The following SETD5 variants were observed in gnomAD, a reference collection of about 807,000 sequenced individuals.
SETD5 encodes SET domain containing 5.
Under a neutral mutation model 153.3 loss-of-function variants are expected in SETD5, and 44 were observed. The ratio of observed to expected loss-of-function variants is 0.29; its 90% CI spans 0.23 to 0.37. SETD5 has a LOEUF of 0.37. SETD5 is among the 10% of genes least tolerant of loss of function. The pLI is 1.00. For missense variants in SETD5, 1,544 were observed against 1,768.0 expected (o/e 0.87, Z 2.27); for synonymous variants, 716 against 645.2 (o/e 1.11, Z -1.66).
chr3:9,428,894 A>G lies in SETD5; in HGVS notation c.-45A>G, dbSNP rs1368790025. 1.3e-6 allele frequency: 2 copies of G among 1,511,632 alleles called. No homozygotes were observed. Among genetic ancestry groups the G allele is most frequent in the Non-Finnish European group, 1.8e-6 (2 of 1,093,476 alleles). 93.6% of individuals were successfully genotyped at this position (1,511,632 alleles called of 1,614,324 possible). On this transcript the variant is annotated 5_prime_UTR_variant, in exon 3 of 23. Transcript: ENST00000402198. ...CCCACTCTCAGAGTGGTCAGTCTCC[A>G]TTAATTGGACCCCGTGATTTCCAAT...
Position 9,473,535 on chromosome 3 carries a change from G to A in SETD5, c.3495G>A (p.Arg1165=), listed in dbSNP as rs761154954. ...GACCTCAAGAGAATATCAGCAGTAGGTGGTAAGTTTATATTTGATGTTTTA... is the reference window on the plus strand; with the variant it reads ...GACCTCAAGAGAATATCAGCAGTAGATGGTAAGTTTATATTTGATGTTTTA... ...HCRPQENISS[R]WMVPTSVERL... The change falls in exon 20 of 23, where the codon AGG becomes AGA. Residue 1165 remains arginine, a splice_region_variant and synonymous_variant. Coordinates refer to ENST00000402198, the MANE Select transcript of SETD5 (RefSeq NM_001080517.3). The A allele has an allele frequency of 2.5e-6, 4 of 1,609,204 alleles. No homozygotes were observed. Among genetic ancestry groups the A allele is most frequent in the Non-Finnish European group, 3.4e-6 (4 of 1,177,356 alleles).
rs2045904017 is a variant in SETD5 at position 9,477,287 on chromosome 3, GC to G, written c.*1199del. On this transcript the variant is annotated 3_prime_UTR_variant, in exon 23 of 23. Transcript: ENST00000402198. ...GTGCCTGTTGTACACCCCTGGAGGA[GC>G]CCTGGAGCCAGCCCAGGTGGGGTAC... 6.5e-6 allele frequency: 1 copy of G among 152,686 alleles called. No individual in the cohort carries two copies. The highest frequency in any genetic ancestry group is 1.5e-5 in the Non-Finnish European group (1 of 68,072). 9.5% of individuals were successfully genotyped at this position (152,686 alleles called of 1,614,324 possible). A position where few individuals can be genotyped will look rare whatever the true frequency, so the allele number is the denominator to read the frequency against.
chr3:9,408,238 C>A (rs533389005), intron 1 of SETD5, among the ~76,000 whole-genome samples: 1 of 152,164 alleles, frequency 6.6e-6, no homozygotes, highest in East Asian at 1.9e-4. Context: ...CTGGAGTCTC[C>A]TGTGCTGCGA....
At chr3:9,448,108 T>C in intron 15 of SETD5, 102 bp downstream of exon 15, 3 of 1,285,818 alleles carry the variant, frequency 2.3e-6, no homozygotes, top group Non-Finnish European at 2.1e-6. Flanking sequence ...TCAATATTAC[T>C]AGATTGAAAG....
At chr3:9,412,387 GTTTTTTTT>G (rs370566998) in intron 1 of SETD5, among the ~76,000 whole-genome samples, 23 of 89,542 alleles carry the variant, frequency 2.6e-4, no homozygotes, top group African/African-American at 8.2e-4. Context: ...ACAGTTTTGG[GTTTTTTTT>G]TTTTTTTTTT....
chr3:9,417,190 C>A (rs1204601494), intron 1 of SETD5, among the ~76,000 whole-genome samples: 1 of 152,116 alleles, frequency 6.6e-6, no homozygotes, highest in African/African-American at 2.4e-5. Flanking sequence ...AGGGTTCACA[C>A]CCCAGAGGTA....
intron 11 of SETD5, among the ~76,000 whole-genome samples, chr3:9,444,360 A>AAAAAGGTTTTAAGAAGGTTAT (rs1217946244): frequency 6.2e-4 from 94 of 152,312 alleles, no homozygotes; most frequent in African/African-American, 2.0e-3. Flanking sequence ...AAGGAAAATA[A>AAAAAGGTTTTAAGAAGGTTAT]AAAAGGTTTT....
At chr3:9,474,732 T>A in intron 21 of SETD5, 150 bp downstream of exon 21, 1 of 1,072,694 alleles carries the variant, frequency 9.3e-7, no homozygotes, top group Non-Finnish European at 1.3e-6. Flanking sequence ...TATGCTCATT[T>A]GGGCTACCAC....
intron 1 of SETD5, among the ~76,000 whole-genome samples, chr3:9,402,671 A>C (rs1270430720): frequency 6.6e-6 from 1 of 152,184 alleles, no homozygotes; most frequent in Non-Finnish European, 1.5e-5. Context: ...AGTATGAAGT[A>C]ATGAGAAGCA....
chr3:9,448,097 C>A, intron 15 of SETD5, 91 bp downstream of exon 15: 2 of 1,318,558 alleles, frequency 1.5e-6, no homozygotes, highest in South Asian at 1.5e-5. Flanking sequence ...AGAAACTAAT[C>A]TCAATATTAC....
intron 1 of SETD5, among the ~76,000 whole-genome samples, chr3:9,404,885 G>C (rs911824189): frequency 2.2e-4 from 33 of 152,156 alleles, no homozygotes; most frequent in African/African-American, 7.7e-4. Context: ...CAGAGGGCTG[G>C]AATGGAGGTG....
intron 11 of SETD5, among the ~76,000 whole-genome samples, chr3:9,444,657 A>T (rs918096151): frequency 2.0e-5 from 3 of 152,028 alleles, no homozygotes; most frequent in African/African-American, 7.2e-5. Flanking sequence ...TTGGGAGGCT[A>T]AGGCTGGAGG....
chr3:9,454,279 T>C (rs1269041508), intron 17 of SETD5, among the ~76,000 whole-genome samples: 11 of 152,118 alleles, frequency 7.2e-5, no homozygotes, highest in Non-Finnish European at 1.5e-4. Context: ...GAAAAATTAT[T>C]ATCAATTGAT....
At chr3:9,453,998 T>C (rs2042926828) in intron 17 of SETD5, 130 bp downstream of exon 17, 12 of 1,093,120 alleles carry the variant, frequency 1.1e-5, no homozygotes, top group Non-Finnish European at 1.5e-5. Context: ...TACATCTGTC[T>C]TTACAGAGGA....
chr3:9,399,586 T>G (rs2034413451), intron 1 of SETD5, among the ~76,000 whole-genome samples: 1 of 152,188 alleles, frequency 6.6e-6, no homozygotes. Flanking sequence ...TGGTAGGACA[T>G]GACACAAGGC....
intron 17 of SETD5, 125 bp from the exon 18 acceptor site, chr3:9,464,300 A>G (rs2044311582): frequency 1.5e-6 from 2 of 1,345,044 alleles, no homozygotes; most frequent in Non-Finnish European, 1.0e-6. Context: ...ATTGGAGGAG[A>G]TAACTTAATG....
chr3:9,437,587 A>G (rs2040739743), intron 7 of SETD5, among the ~76,000 whole-genome samples: 1 of 151,598 alleles, frequency 6.6e-6, no homozygotes, highest in African/African-American at 2.4e-5. Context: ...TGCCTCTCAA[A>G]TTATTACTGG....
intron 7 of SETD5, among the ~76,000 whole-genome samples, chr3:9,436,132 C>G (rs2040537442): frequency 6.6e-6 from 1 of 152,140 alleles, no homozygotes; most frequent in African/African-American, 2.4e-5. Context: ...ACTCCAGTCC[C>G]CATCCCAGGT....
At chr3:9,452,402 C>T (rs895991005) in intron 16 of SETD5, among the ~76,000 whole-genome samples, 1 of 152,160 alleles carries the variant, frequency 6.6e-6, no homozygotes, top group Non-Finnish European at 1.5e-5. Flanking sequence ...AGCTTTAAGG[C>T]TATATGTATG....
Sources: allele counts gnomAD v4.1 joint callset (sites outside exome capture counted in the v4.1 genomes callset), GRCh38; gene constraint gnomAD v4.1.1; transcripts MANE v1.5; gene names NCBI Gene and HGNC (gene_info 2026-07-23, HGNC 2026-07-21).